The following NWD2 variants were observed in gnomAD, a reference collection of about 807,000 sequenced individuals.
NWD2 encodes the protein NACHT and WD repeat domain containing 2.
NWD2 carries 37 observed loss-of-function variants against 132.7 expected under a neutral mutation model. The observed-to-expected ratio is 0.28, with a 90% CI of 0.21 to 0.37. NWD2 has a LOEUF of 0.37. NWD2 is among the 10% of genes least tolerant of loss of function. The pLI, the probability that NWD2 is intolerant of heterozygous loss-of-function variation, is 1.00. For missense variants in NWD2, 1,592 were observed against 2,122.4 expected (o/e 0.75, Z 4.91); for synonymous variants, 705 against 803.0 (o/e 0.88, Z 2.06).
chr4:37,361,558 C>G (rs1719981912), intron 3 of NWD2, among the ~76,000 whole-genome samples: 1 of 152,050 alleles, frequency 6.6e-6, no homozygotes, highest in East Asian at 1.9e-4. Flanking sequence ...ATGTGACACA[C>G]CCACATAAAC....
In NWD2 at chr4:37,429,669, A is replaced by G. The variant is rs541568523; in HGVS notation, c.358-903A>G. Among the ~76,000 whole-genome samples, 132 of 152,200 alleles carry G rather than the reference A, an allele frequency of 8.7e-4. 1 individual carries two copies. The highest frequency in any genetic ancestry group is 3.1e-4 in the Non-Finnish European group (21 of 68,044). On this transcript the variant is annotated intron_variant, in intron 3 of 6. Coordinates refer to ENST00000309447, the MANE Select transcript of NWD2 (RefSeq NM_001144990.2). Reference sequence around the variant, plus strand: ...AACTTACCCTTTTCACTTAACATATACTTGTAAACATCTTTCTAAGTCAAT... The same window carrying G: ...AACTTACCCTTTTCACTTAACATATGCTTGTAAACATCTTTCTAAGTCAAT...
chr4:37,325,523 A>G (rs752109252), intron 1 of NWD2, among the ~76,000 whole-genome samples: 2 of 152,158 alleles, frequency 1.3e-5, no homozygotes, highest in Non-Finnish European at 2.9e-5. Flanking sequence ...AATTAAATTT[A>G]TCAACGTGTG....
chr4:37,435,404 G>A (rs1393911236), intron 5 of NWD2, among the ~76,000 whole-genome samples: 1 of 152,064 alleles, frequency 6.6e-6, no homozygotes, highest in East Asian at 1.9e-4. Flanking sequence ...TAAAAATTAG[G>A]TCTTATTTAA....
chr4:37,267,949 A>G lies in NWD2; in HGVS notation c.151+22731A>G, dbSNP rs574604716. On this transcript the variant is annotated intron_variant, in intron 1 of 6. Coordinates refer to ENST00000309447, the MANE Select transcript of NWD2 (RefSeq NM_001144990.2). ...TGCCTCCAGTACTGACTGATTCCTC[A>G]TACATTACCCACTTTTCTCATGCTG... Among the ~76,000 whole-genome samples the G allele has an allele frequency of 4.6e-5, 7 of 152,010 alleles. No homozygotes were observed. In the East Asian group the frequency reaches 1.4e-3, roughly 29 times the overall value.
At chr4:37,348,667 T>TACAC (rs1424442171) in intron 2 of NWD2, among the ~76,000 whole-genome samples, 6 of 71,798 alleles carry the variant, frequency 8.4e-5, no homozygotes, top group African/African-American at 3.5e-4. Flanking sequence ...TATATATATA[T>TACAC]ATATATATAC....
intron 1 of NWD2, among the ~76,000 whole-genome samples, chr4:37,274,721 AG>A (rs1358497628): frequency 6.6e-6 from 1 of 152,018 alleles, no homozygotes; most frequent in Non-Finnish European, 1.5e-5. Flanking sequence ...CACATCAAAA[AG>A]CTTATCCACC....
intron 3 of NWD2, among the ~76,000 whole-genome samples, chr4:37,408,241 T>A (rs997130066): frequency 5.9e-5 from 7 of 119,616 alleles, no homozygotes; most frequent in Middle Eastern, 8.9e-3. Flanking sequence ...GCTCGGCAGG[T>A]CCCACCCCCA....
At chr4:37,382,376 G>C (rs1236604737) in intron 3 of NWD2, among the ~76,000 whole-genome samples, 2 of 152,250 alleles carry the variant, frequency 1.3e-5, no homozygotes, top group East Asian at 3.9e-4. Flanking sequence ...CTGCCATCAA[G>C]AGATTGATTT....
At chr4:37,282,578 A>G (rs1419747842) in intron 1 of NWD2, among the ~76,000 whole-genome samples, 8 of 152,194 alleles carry the variant, frequency 5.3e-5, no homozygotes. Context: ...AAAATAGTCA[A>G]CCACAGTTCC....
intron 1 of NWD2, among the ~76,000 whole-genome samples, chr4:37,263,502 T>C (rs544167160): frequency 1.8e-4 from 27 of 152,284 alleles, no homozygotes; most frequent in African/African-American, 6.0e-4. Flanking sequence ...GACTTCTTCC[T>C]TAACCTCTTT....
intron 1 of NWD2, among the ~76,000 whole-genome samples, chr4:37,285,400 C>T (rs975310338): frequency 1.3e-4 from 20 of 151,988 alleles, no homozygotes; most frequent in South Asian, 4.2e-4. Flanking sequence ...AATTTTCTCC[C>T]GTATATTAAA....
chr4:37,402,373 G>A (rs1720911727), intron 3 of NWD2, among the ~76,000 whole-genome samples: 1 of 152,196 alleles, frequency 6.6e-6, no homozygotes, highest in African/African-American at 2.4e-5. Flanking sequence ...TCTGAGATCA[G>A]GAATAGCGTC....
intron 1 of NWD2, among the ~76,000 whole-genome samples, chr4:37,254,294 A>G (rs1268717760): frequency 6.6e-6 from 1 of 152,228 alleles, no homozygotes; most frequent in Admixed American, 6.5e-5. Context: ...TATTTCACTG[A>G]TACAGTAGGA....
At chr4:37,334,352 C>T (rs1719355531) in intron 2 of NWD2, among the ~76,000 whole-genome samples, 1 of 152,216 alleles carries the variant, frequency 6.6e-6, no homozygotes, top group African/African-American at 2.4e-5. Flanking sequence ...TTCAACTCTT[C>T]CCCACGTAAA....
chr4:37,393,136 T>TG (rs1226817243), intron 3 of NWD2, among the ~76,000 whole-genome samples: 2 of 152,086 alleles, frequency 1.3e-5, no homozygotes, highest in Non-Finnish European at 2.9e-5. Flanking sequence ...CCATGAATGT[T>TG]GGGCCCTTTT....
At chr4:37,280,986 C>A (rs116103532) in intron 1 of NWD2, among the ~76,000 whole-genome samples, 17,732 of 152,006 alleles carry the variant, frequency 0.12, 1,131 homozygotes, top group Middle Eastern at 0.15. Flanking sequence ...CCATTGGTGT[C>A]CTTTGTACAG....
intron 3 of NWD2, among the ~76,000 whole-genome samples, chr4:37,385,997 C>T (rs921253081): frequency 7.9e-5 from 12 of 152,126 alleles, no homozygotes; most frequent in African/African-American, 2.7e-4. Context: ...TTTTTTAAAT[C>T]TCTGAAAATG....
intron 2 of NWD2, among the ~76,000 whole-genome samples, chr4:37,333,860 T>G (rs1577671150): frequency 6.6e-6 from 1 of 152,186 alleles, no homozygotes; most frequent in South Asian, 2.1e-4. Flanking sequence ...TCAGATAAAC[T>G]TAACAAATAA....
chr4:37,355,670 A>G (rs952547501), intron 2 of NWD2, among the ~76,000 whole-genome samples: 6 of 152,226 alleles, frequency 3.9e-5, no homozygotes, highest in Admixed American at 2.6e-4. Flanking sequence ...AGCACTTTTC[A>G]AAGAGTGAAC....
Sources: gnomAD v4.1 joint callset for allele counts (sites outside exome capture counted in the v4.1 genomes callset) on GRCh38, gnomAD v4.1.1 for gene constraint, MANE v1.5 for transcripts, NCBI Gene and HGNC (gene_info 2026-07-23, HGNC 2026-07-21) for gene names.